The following ABCB1 variants were observed in gnomAD, a reference collection of about 807,000 sequenced individuals.
ABCB1 encodes ATP binding cassette subfamily B member 1.
ABCB1 carries 69 observed loss-of-function variants against 142.0 expected under a neutral mutation model. That is an observed-to-expected ratio of 0.49 (90% CI 0.40 to 0.59). The LOEUF (loss-of-function observed/expected upper bound fraction) is 0.59, where lower values mean the gene tolerates loss of function less well. ABCB1 is among the 20% of genes least tolerant of loss of function. ABCB1 has a pLI of 0.00. For synonymous variants in ABCB1, 532 were observed against 539.2 expected (o/e 0.99, Z 0.18); for missense variants, 1,326 against 1,554.7 (o/e 0.85, Z 2.47).
chr7:87,590,094 C>T (rs1818937019), intron 3 of ABCB1, among the ~76,000 whole-genome samples: 1 of 152,156 alleles, frequency 6.6e-6, no homozygotes. Flanking sequence ...ATTCATTTAA[C>T]ATTCAAGGGA....
At chr7:87,554,007 G>T (rs1370469510) in intron 8 of ABCB1, 75 bp from the exon 9 acceptor site, 1 of 1,400,308 alleles carries the variant, frequency 7.1e-7, no homozygotes. Context: ...GTTACAGAGT[G>T]GCTAGGATGT....
chr7:87,623,696 CT>C (rs756666894), intron 1 of ABCB1, among the ~76,000 whole-genome samples: 70 of 147,946 alleles, frequency 4.7e-4, no homozygotes, highest in Admixed American at 1.1e-3. Flanking sequence ...CTCACATGGA[CT>C]TTTTTTTTTT....
chr7:87,555,847 G>A (rs1216902310), intron 8 of ABCB1, among the ~76,000 whole-genome samples: 5 of 152,248 alleles, frequency 3.3e-5, no homozygotes, highest in Middle Eastern at 3.4e-3. Context: ...TAATACATAT[G>A]TACTATACTC....
chr7:87,649,320 G>A (rs1047500371), intron 1 of ABCB1, among the ~76,000 whole-genome samples: 1 of 152,100 alleles, frequency 6.6e-6, no homozygotes, highest in African/African-American at 2.4e-5. Flanking sequence ...TAAATCAACA[G>A]GTACCTACTG....
intron 3 of ABCB1, among the ~76,000 whole-genome samples, chr7:87,586,010 A>G (rs1488203926): frequency 6.6e-6 from 1 of 152,198 alleles, no homozygotes; most frequent in African/African-American, 2.4e-5. Context: ...TCTAGTTTCT[A>G]AGAATAGAAG....
intron 4 of ABCB1, among the ~76,000 whole-genome samples, chr7:87,580,858 G>A (rs1274783761): frequency 1.3e-5 from 2 of 151,920 alleles, no homozygotes; most frequent in African/African-American, 4.8e-5. Context: ...TCTTCAGTAT[G>A]TGCTGCTGGT....
At chr7:87,577,627 G>A (rs964149050) in intron 4 of ABCB1, among the ~76,000 whole-genome samples, 1 of 152,190 alleles carries the variant, frequency 6.6e-6, no homozygotes, top group African/African-American at 2.4e-5. Context: ...TTTAACTGGG[G>A]TGAAATGATA....
intron 3 of ABCB1, among the ~76,000 whole-genome samples, chr7:87,592,729 T>C (rs1056064071): frequency 6.6e-6 from 1 of 152,172 alleles, no homozygotes; most frequent in Non-Finnish European, 1.5e-5. Context: ...AGTTCCTAAA[T>C]TGCAGGTACT....
intron 15 of ABCB1, among the ~76,000 whole-genome samples, chr7:87,545,503 A>G (rs1239928751): frequency 6.6e-6 from 1 of 152,244 alleles, no homozygotes; most frequent in East Asian, 1.9e-4. Context: ...CAATATAAAA[A>G]TTGAGATATT....
chr7:87,639,106 G>A (rs1456958463), intron 1 of ABCB1, among the ~76,000 whole-genome samples: 3 of 144,520 alleles, frequency 2.1e-5, no homozygotes, highest in South Asian at 2.2e-4. Context: ...GAGAAGAGAC[G>A]GCACACCACT....
At chr7:87,685,533 A>G (rs1316278652) in intron 1 of ABCB1, among the ~76,000 whole-genome samples, 2 of 152,210 alleles carry the variant, frequency 1.3e-5, no homozygotes, top group East Asian at 3.9e-4. Context: ...ACACACAACA[A>G]CATGTATAAA....
chr7:87,565,811 G>T (rs1290660571), intron 7 of ABCB1, among the ~76,000 whole-genome samples: 1 of 151,804 alleles, frequency 6.6e-6, no homozygotes, highest in African/African-American at 2.4e-5. Context: ...TCTTACAAAG[G>T]CAGAAGGTAG....
chr7:87,517,580 T>C (rs1004378062), intron 23 of ABCB1, among the ~76,000 whole-genome samples: 11 of 152,170 alleles, frequency 7.2e-5, no homozygotes, highest in Admixed American at 2.6e-4. Context: ...GGCAAAAATA[T>C]GTATGTCTCT....
chr7:87,542,564 C>T (rs1235579137), intron 17 of ABCB1, among the ~76,000 whole-genome samples: 1 of 152,190 alleles, frequency 6.6e-6, no homozygotes, highest in East Asian at 1.9e-4. Flanking sequence ...GGTCACTTAC[C>T]TCCAGACTTA....
intron 1 of ABCB1, among the ~76,000 whole-genome samples, chr7:87,702,167 A>C (rs1829134212): frequency 6.7e-6 from 1 of 150,082 alleles, no homozygotes; most frequent in South Asian, 2.1e-4. Context: ...AAAAAAAAAA[A>C]AAAAACAGAG....
intron 1 of ABCB1, among the ~76,000 whole-genome samples, chr7:87,670,281 G>T (rs1825693082): frequency 6.6e-6 from 1 of 152,112 alleles, no homozygotes; most frequent in Non-Finnish European, 1.5e-5. Context: ...ACTTGTAATT[G>T]CATTGTGAAA....
chr7:87,563,788 TA>T lies in ABCB1; in HGVS notation c.702+2281del, dbSNP rs903155238. 3.3e-4 allele frequency among the ~76,000 whole-genome samples: 49 copies of T among 147,014 alleles called. 1 individual carries two copies. The highest frequency in any genetic ancestry group is 1.0e-3 in the Admixed American group (15 of 14,726). On this transcript the variant is annotated intron_variant, in intron 7 of 27. Transcript: ENST00000622132. Reference sequence around the variant, plus strand: ...AAATGCCCATCAATGATAGACTGGATAAAAAAAAAATGTGGTACATAGACAC... The same window carrying T: ...AAATGCCCATCAATGATAGACTGGATAAAAAAAAATGTGGTACATAGACAC...
intron 1 of ABCB1, among the ~76,000 whole-genome samples, chr7:87,626,772 G>A (rs934271960): frequency 7.5e-6 from 1 of 133,102 alleles, no homozygotes; most frequent in Non-Finnish European, 1.7e-5. Flanking sequence ...TCATATATAT[G>A]TCAGAGAGAG....
At chr7:87,545,722 C>T in intron 15 of ABCB1, 141 bp downstream of exon 15, 1 of 835,094 alleles carries the variant, frequency 1.2e-6, no homozygotes, top group East Asian at 2.7e-5. Context: ...AAATCTTAAA[C>T]ACTGGTCTCA....
Sources: allele counts gnomAD v4.1 joint callset (sites outside exome capture counted in the v4.1 genomes callset), GRCh38; gene constraint gnomAD v4.1.1; transcripts MANE v1.5; gene names NCBI Gene and HGNC (gene_info 2026-07-23, HGNC 2026-07-21).